PDCD10: variants seen among roughly 807,000 people sequenced by gnomAD.
The protein encoded by PDCD10 is programmed cell death protein 10.
A neutral mutation model predicts 29.2 loss-of-function variants in PDCD10; 4 were observed. The ratio of observed to expected loss-of-function variants is 0.14; its 90% CI spans 0.07 to 0.31. PDCD10 has a LOEUF of 0.31. Ranked by LOEUF, PDCD10 falls within the 10% of genes least tolerant of loss-of-function variation. The pLI, the probability that PDCD10 is intolerant of heterozygous loss-of-function variation, is 1.00. For missense variants in PDCD10, 183 were observed against 257.9 expected (o/e 0.71, Z 1.99); for synonymous variants, 70 against 82.2 (o/e 0.85, Z 0.80).
chr3:167,695,533 T>C, intron 6 of PDCD10, 63 bp downstream of exon 6: 6 of 1,448,132 alleles, frequency 4.1e-6, no homozygotes, highest in Non-Finnish European at 4.9e-6. Context: ...TTAAAAAATG[T>C]AGATGAGTAG....
At chr3:167,687,540 T>C in intron 7 of PDCD10, 75 bp downstream of exon 7, 1 of 891,010 alleles carries the variant, frequency 1.1e-6, no homozygotes, top group Non-Finnish European at 1.9e-6. Context: ...ATCAATCTTA[T>C]TTTTAAGTCA....
chr3:167,687,784 C>A, intron 6 of PDCD10, 91 bp from the exon 7 acceptor site: 1 of 729,816 alleles, frequency 1.4e-6, no homozygotes, highest in Non-Finnish European at 2.5e-6. Context: ...AAATTAAGTA[C>A]ACTCTTAATC....
At chr3:167,694,355 C>T in intron 6 of PDCD10, 1 of 198,758 alleles carries the variant, frequency 5.0e-6, no homozygotes, top group Non-Finnish European at 1.1e-5. Flanking sequence ...ATTAATCAGA[C>T]TGGGCTTCTT....
At chr3:167,704,246 G>C (rs1233858127) in intron 4 of PDCD10, among the ~76,000 whole-genome samples, 5 of 152,094 alleles carry the variant, frequency 3.3e-5, no homozygotes, top group Admixed American at 3.3e-4. Context: ...ACTTTATTTT[G>C]AGACAGGGTC....
chr3:167,728,436 A>G (rs1724447087), intron 2 of PDCD10, among the ~76,000 whole-genome samples: 2 of 152,200 alleles, frequency 1.3e-5, no homozygotes, highest in East Asian at 3.8e-4. Context: ...TTGTCATTCC[A>G]TAACTTCAAT....
At chr3:167,704,569 A>T (rs996187617) in intron 4 of PDCD10, 3 of 280,836 alleles carry the variant, frequency 1.1e-5, no homozygotes, top group Non-Finnish European at 2.0e-5. Flanking sequence ...AAAAAAAAAA[A>T]CCCTCAAAAA....
intron 3 of PDCD10, among the ~76,000 whole-genome samples, chr3:167,713,535 A>G (rs560152667): frequency 6.6e-6 from 1 of 152,146 alleles, no homozygotes; most frequent in African/African-American, 2.4e-5. Context: ...ACCAAACCCA[A>G]AATTAGTAGA....
intron 3 of PDCD10, among the ~76,000 whole-genome samples, chr3:167,715,767 G>C (rs1722944164): frequency 6.6e-6 from 1 of 151,982 alleles, no homozygotes; most frequent in African/African-American, 2.4e-5. Flanking sequence ...AATAACAAAT[G>C]CTGGTAAGGA....
rs3804608 is a variant in PDCD10, at chr3:167,694,627, G to A, written c.395+969C>T. 1,210 of 152,726 alleles carry A rather than the reference G, an allele frequency of 7.9e-3. 90 individuals are homozygous for A. The East Asian group carries it at 0.17, about 22-fold the overall frequency. 9.5% of individuals were successfully genotyped at this position (152,726 alleles called of 1,614,324 possible). A position where few individuals can be genotyped will look rare whatever the true frequency, so the allele number is the denominator to read the frequency against. On this transcript the variant is annotated intron_variant, in intron 6 of 8. Coordinates refer to ENST00000392750, the MANE Select transcript of PDCD10 (RefSeq NM_007217.4). ...CACTGTCCCATCAGCTGAGCTGACC[G>A]TCCTCTTGGGCATCCTGGAAGTGGG...
At chr3:167,725,938 C>T (rs887951233) in intron 2 of PDCD10, among the ~76,000 whole-genome samples, 8 of 150,366 alleles carry the variant, frequency 5.3e-5, no homozygotes, top group African/African-American at 1.2e-4. Flanking sequence ...TGTCTCTGAA[C>T]AAGTCATTTC....
intron 3 of PDCD10, among the ~76,000 whole-genome samples, chr3:167,715,215 T>A (rs184491652): frequency 8.0e-4 from 121 of 152,040 alleles, no homozygotes; most frequent in Middle Eastern, 3.4e-3. Context: ...TATTCCTATG[T>A]AGAAGAATGA....
At chr3:167,690,500 C>CT (rs1559947585) in intron 6 of PDCD10, among the ~76,000 whole-genome samples, 1 of 152,072 alleles carries the variant, frequency 6.6e-6, no homozygotes, top group Admixed American at 6.5e-5. Context: ...AAATGCCTGG[C>CT]TTTTTTATTT....
chr3:167,719,190 G>A (rs976418698), intron 3 of PDCD10, among the ~76,000 whole-genome samples: 4 of 152,204 alleles, frequency 2.6e-5, no homozygotes, highest in East Asian at 3.9e-4. Flanking sequence ...GAAATGGTGA[G>A]AGCATATGGA....
In PDCD10 at chr3:167,732,412, G is replaced by A. The variant is rs1724918248; in HGVS notation, c.-117+1802C>T. On this transcript the variant is annotated intron_variant, in intron 2 of 8. Transcript: ENST00000392750. ...AAAGCTGACATAAGGCTCCTGCAAA[G>A]TTCAAAATGAGAAGAAATGCAGACA... 1.3e-5 allele frequency among the ~76,000 whole-genome samples: 2 copies of A among 152,144 alleles called. 1 individual carries two copies. Among genetic ancestry groups the A allele is most frequent in the South Asian group, 4.1e-4 (2 of 4,836 alleles).
chr3:167,699,013 A>G (rs1410732101), intron 4 of PDCD10, among the ~76,000 whole-genome samples: 1 of 152,212 alleles, frequency 6.6e-6, no homozygotes, highest in East Asian at 1.9e-4. Context: ...TAATAAGTAT[A>G]GTGTCCTAAC....
intron 4 of PDCD10, among the ~76,000 whole-genome samples, chr3:167,703,503 C>A (rs1270138882): frequency 6.6e-6 from 1 of 151,902 alleles, no homozygotes; most frequent in Non-Finnish European, 1.5e-5. Flanking sequence ...ACTTGTGTGA[C>A]ATGGAAGAAA....
intron 6 of PDCD10, among the ~76,000 whole-genome samples, chr3:167,690,023 A>G (rs1720049205): frequency 6.6e-6 from 1 of 152,326 alleles, no homozygotes; most frequent in Non-Finnish European, 1.5e-5. Context: ...CAAAAAAACC[A>G]CTATAGACAA....
At chr3:167,701,319 A>T (rs994248901) in intron 4 of PDCD10, among the ~76,000 whole-genome samples, 1 of 152,216 alleles carries the variant, frequency 6.6e-6, no homozygotes, top group African/African-American at 2.4e-5. Context: ...AGATATATAT[A>T]TAGATATCAG....
chr3:167,722,713 T>C (rs1328206804), intron 2 of PDCD10, among the ~76,000 whole-genome samples: 1 of 152,144 alleles, frequency 6.6e-6, no homozygotes, highest in African/African-American at 2.4e-5. Context: ...TTTCACTCTT[T>C]TGAACACATA....
Sources: allele counts gnomAD v4.1 joint callset (sites outside exome capture counted in the v4.1 genomes callset), GRCh38; gene constraint gnomAD v4.1.1; transcripts MANE v1.5; gene names NCBI Gene and HGNC (gene_info 2026-07-23, HGNC 2026-07-21).